The following PRKN variants were observed in gnomAD, a reference collection of about 807,000 sequenced individuals.
PRKN encodes parkin RBR E3 ubiquitin protein ligase.
Under a neutral mutation model 59.5 loss-of-function variants are expected in PRKN, and 56 were observed. The ratio of observed to expected loss-of-function variants is 0.94; its 90% CI spans 0.76 to 1.18. The LOEUF is 1.18. PRKN is among the 50% of genes most tolerant of loss of function. The pLI is 0.00. For missense variants in PRKN, 657 were observed against 596.4 expected, an observed-to-expected ratio of 1.10 and a Z score of -1.06; for synonymous variants, 250 against 222.1, an observed-to-expected ratio of 1.13 and a Z score of -1.12.
intron 6 of PRKN, among the ~76,000 whole-genome samples, chr6:161,871,067 A>AAATAAGAGAGAGAAAATAAG (rs1794322934): frequency 2.9e-5 from 2 of 70,002 alleles, no homozygotes; most frequent in South Asian, 8.4e-4. Context: ...GAGAGAGAGA[A>AAATAAGAGAGAGAAAATAAG]AATAAGAGAG....
chr6:161,454,218 T>C lies in PRKN; in HGVS notation c.1084-67341A>G, dbSNP rs79212400. 5.5e-4 allele frequency among the ~76,000 whole-genome samples: 84 copies of C among 152,260 alleles called. 1 individual carries two copies. The highest frequency in any genetic ancestry group is 9.0e-4 in the Non-Finnish European group (61 of 68,020). On this transcript the variant is annotated intron_variant, in intron 9 of 11. Transcript: ENST00000366898. This position sits in a 1 kb window ranked among gnomAD's most constrained non-coding sequence, Gnocchi z 4.6. ...TCACAGAACGGCAGCATGGGTTCTA[T>C]AGGTCGGGGTGGCATTAGCACTGAC...
At chr6:162,013,822 A>T (rs1005146985) in intron 5 of PRKN, among the ~76,000 whole-genome samples, 1 of 152,174 alleles carries the variant, frequency 6.6e-6, no homozygotes, top group Non-Finnish European at 1.5e-5. Context: ...TTTATGCTAA[A>T]AGTATGTAGT....
intron 1 of PRKN, among the ~76,000 whole-genome samples, chr6:162,465,067 A>C (rs1471736293): frequency 6.6e-6 from 1 of 151,904 alleles, no homozygotes. Flanking sequence ...TTTACCTAAA[A>C]CTCCCTGAGC....
At chr6:162,445,838 G>A (rs986039740) in intron 1 of PRKN, among the ~76,000 whole-genome samples, 5 of 151,544 alleles carry the variant, frequency 3.3e-5, no homozygotes, top group Non-Finnish European at 7.4e-5. Flanking sequence ...AAGCTCCAGT[G>A]AGGAGCTAAG....
intron 1 of PRKN, among the ~76,000 whole-genome samples, chr6:162,711,953 G>C (rs1179193095): frequency 6.6e-6 from 1 of 152,174 alleles, no homozygotes. Flanking sequence ...GGCTGAATCA[G>C]AGATTCTGGT....
chr6:162,705,668 T>C (rs1230524885), intron 1 of PRKN, among the ~76,000 whole-genome samples: 1 of 152,210 alleles, frequency 6.6e-6, no homozygotes, highest in African/African-American at 2.4e-5. Flanking sequence ...GTTTACAAGA[T>C]TCTTATCTGC....
At chr6:161,524,006 T>TA (rs200732683) in intron 9 of PRKN, among the ~76,000 whole-genome samples, 1 of 152,232 alleles carries the variant, frequency 6.6e-6, no homozygotes, top group Non-Finnish European at 1.5e-5. Flanking sequence ...ATCCATGAAT[T>TA]AAAAAAATTT....
chr6:161,443,217 G>A (rs1789326139), intron 9 of PRKN, among the ~76,000 whole-genome samples: 1 of 151,844 alleles, frequency 6.6e-6, no homozygotes, highest in African/African-American at 2.4e-5. Context: ...GGCTGAGGCA[G>A]GAGAATTGCT....
At chr6:162,553,922 TAA>T in intron 1 of PRKN, among the ~76,000 whole-genome samples, 1 of 144,044 alleles carries the variant, frequency 6.9e-6, no homozygotes. Flanking sequence ...CTCAGGTGGA[TAA>T]AGACAGGAGT....
At chr6:162,571,381 A>G (rs1264930296) in intron 1 of PRKN, 2 of 152,032 alleles carry the variant, frequency 1.3e-5, no homozygotes, top group South Asian at 2.1e-4. Flanking sequence ...TCCTATAAAT[A>G]TACACGCATA....
chr6:161,748,226 T>A (rs1324019156), intron 7 of PRKN, among the ~76,000 whole-genome samples: 1 of 152,208 alleles, frequency 6.6e-6, no homozygotes, highest in Non-Finnish European at 1.5e-5. Context: ...ATATTATACA[T>A]TTAGTGATGG....
intron 1 of PRKN, among the ~76,000 whole-genome samples, chr6:162,579,389 G>A (rs115614188): frequency 0.02 from 3,019 of 151,670 alleles, 112 homozygotes; most frequent in African/African-American, 0.07. Flanking sequence ...TCCTTCAGTG[G>A]ACAAAATCTA....
chr6:161,984,818 G>C (rs934411652), intron 5 of PRKN, among the ~76,000 whole-genome samples: 2 of 152,074 alleles, frequency 1.3e-5, no homozygotes, highest in Non-Finnish European at 1.5e-5. Flanking sequence ...GACTCCAAAC[G>C]CTTTAGAACT....
intron 1 of PRKN, among the ~76,000 whole-genome samples, chr6:162,722,049 C>T (rs988116274): frequency 1.3e-5 from 2 of 152,112 alleles, no homozygotes; most frequent in Non-Finnish European, 2.9e-5. Flanking sequence ...GCAATCTATA[C>T]CACCAATATA....
chr6:162,639,753 T>C (rs949173614), intron 1 of PRKN, among the ~76,000 whole-genome samples: 1 of 152,142 alleles, frequency 6.6e-6, no homozygotes, highest in Non-Finnish European at 1.5e-5. Flanking sequence ...TCAAAGATTA[T>C]CTTTAAAGAA....
intron 5 of PRKN, among the ~76,000 whole-genome samples, chr6:162,009,071 G>A (rs113560379): frequency 6.6e-6 from 1 of 151,820 alleles, no homozygotes; most frequent in South Asian, 2.1e-4. Context: ...TGGCCAACAC[G>A]GTGAAACCCC....
intron 1 of PRKN, among the ~76,000 whole-genome samples, chr6:162,602,073 T>C (rs1781734027): frequency 6.6e-6 from 1 of 152,194 alleles, no homozygotes; most frequent in South Asian, 2.1e-4. Context: ...GGCAGTCACA[T>C]ACATCCCCAT....
chr6:162,461,870 GTAGTTCAAAA>G (rs1791195891), intron 1 of PRKN, among the ~76,000 whole-genome samples: 1 of 151,918 alleles, frequency 6.6e-6, no homozygotes, highest in Non-Finnish European at 1.5e-5. Context: ...AAAAGCTGGA[GTAGTTCAAAA>G]TATTTCAGAG....
At chr6:162,115,569 T>C (rs1412290011) in intron 4 of PRKN, among the ~76,000 whole-genome samples, 3 of 144,628 alleles carry the variant, frequency 2.1e-5, no homozygotes, top group Admixed American at 6.8e-5. Flanking sequence ...AAAAAAAAAG[T>C]CAAATGAGAT....
Sources: gnomAD v4.1 joint callset for allele counts (sites outside exome capture counted in the v4.1 genomes callset) on GRCh38, gnomAD v4.1.1 for gene constraint, Gnocchi (gnomAD v3.1) non-coding constraint, MANE v1.5 for transcripts, NCBI Gene and HGNC (gene_info 2026-07-23, HGNC 2026-07-21) for gene names.